JAK1: variants seen among roughly 807,000 people sequenced by gnomAD.
JAK1 encodes Janus kinase 1.
In JAK1, 16 loss-of-function variants were observed where a neutral mutation model predicts 136.6. The ratio of observed to expected loss-of-function variants is 0.12; its 90% confidence interval spans 0.08 to 0.18. JAK1 has a LOEUF of 0.18. Among genes scored for constraint, JAK1 ranks in the 10% least tolerant of loss-of-function variants. The probability of loss-of-function intolerance (pLI) is 1.00; values close to 1 mark genes in which losing one functional copy is unlikely to be tolerated. For missense variants in JAK1, 859 were observed against 1,450.1 expected, an observed-to-expected ratio of 0.59 and a Z score of 6.62; for synonymous variants, 492 against 519.5, an observed-to-expected ratio of 0.95 and a Z score of 0.72.
At chr1:64,906,043 C>G (rs1645185419) in intron 1 of JAK1, among the ~76,000 whole-genome samples, 1 of 152,206 alleles carries the variant, frequency 6.6e-6, no homozygotes, top group African/African-American at 2.4e-5. Flanking sequence ...CTCAAATATC[C>G]AACTACCTTG....
intron 22 of JAK1, among the ~76,000 whole-genome samples, chr1:64,837,145 A>G (rs1654535921): frequency 6.6e-6 from 1 of 152,162 alleles, no homozygotes; most frequent in South Asian, 2.1e-4. Context: ...ACCCTTCTGT[A>G]TGTTTCCTGC....
chr1:64,837,390 A>T (rs1654554409), intron 22 of JAK1, among the ~76,000 whole-genome samples: 1 of 152,154 alleles, frequency 6.6e-6, no homozygotes, highest in Admixed American at 6.5e-5. Context: ...GTAGAGATGT[A>T]AGCAGCCTCT....
chr1:65,001,887 A>G (rs1446802521), intron 2 of JAK1, among the ~76,000 whole-genome samples: 2 of 151,958 alleles, frequency 1.3e-5, no homozygotes, highest in Non-Finnish European at 2.9e-5. Context: ...TCTGTCAGAG[A>G]GGGTGTTGAC....
chr1:64,962,646 T>C (rs1023387900), intron 1 of JAK1, among the ~76,000 whole-genome samples: 1 of 152,224 alleles, frequency 6.6e-6, no homozygotes, highest in Non-Finnish European at 1.5e-5. Flanking sequence ...TGAAATCCCA[T>C]GTAACCAGAG....
chr1:64,908,323 A>C (rs1645225349), intron 1 of JAK1, among the ~76,000 whole-genome samples: 1 of 152,132 alleles, frequency 6.6e-6, no homozygotes, highest in African/African-American at 2.4e-5. Context: ...GCATCTATTC[A>C]GCTCTATCCT....
In JAK1 at chr1:64,984,976, C is replaced by T; in HGVS notation, c.-78+59504G>A. On this transcript the variant is annotated intron_variant, in intron 2 of 25. Transcript: ENST00000671954. The surrounding 1 kb of genome is among the most constrained non-coding windows in gnomAD (Gnocchi z 4.1). ...TCTGGCCCAATTTCAAAGAAGACCACAAAGACCAAGATAGCCCCAATACAG... is the reference window on the plus strand; with the variant it reads ...TCTGGCCCAATTTCAAAGAAGACCATAAAGACCAAGATAGCCCCAATACAG... 3 of 936,942 alleles carry T rather than the reference C, an allele frequency of 3.2e-6. No homozygotes were observed. The highest frequency in any genetic ancestry group is 2.2e-4 in the Middle Eastern group (1 of 4,644). 58.0% of individuals were successfully genotyped at this position (936,942 alleles called of 1,614,324 possible).
chr1:64,844,932 C>T lies in JAK1; in HGVS notation c.2116-43G>A, dbSNP rs774904102. The T allele has an allele frequency of 9.9e-6, 16 of 1,612,988 alleles. No homozygotes were observed. The Admixed American group carries it at 2.3e-4, about 24-fold the overall frequency. On this transcript the variant is annotated intron_variant, in intron 15 of 24. Transcript: ENST00000342505. The surrounding 1 kb of genome is among the most constrained non-coding windows in gnomAD (Gnocchi z 5.7). ...CAAGTTTAGCCAAGCTGCTCCTTCCCGCATTCTATTTCCAACCCTGGTCCC... is the reference window on the plus strand; with the variant it reads ...CAAGTTTAGCCAAGCTGCTCCTTCCTGCATTCTATTTCCAACCCTGGTCCC...
At chr1:65,040,977 C>T (rs1647126856) in intron 2 of JAK1, among the ~76,000 whole-genome samples, 2 of 152,086 alleles carry the variant, frequency 1.3e-5, no homozygotes, top group African/African-American at 4.8e-5. Context: ...AGATGTATAT[C>T]ATCGCTCCTG....
chr1:64,899,506 A>G (rs1304376762), intron 1 of JAK1, among the ~76,000 whole-genome samples: 1 of 152,192 alleles, frequency 6.6e-6, no homozygotes, highest in Non-Finnish European at 1.5e-5. Flanking sequence ...CCCTCCTCCC[A>G]GAGATAGTCA....
At chr1:65,053,183 G>A (rs1647368137) in intron 1 of JAK1, among the ~76,000 whole-genome samples, 1 of 142,532 alleles carries the variant, frequency 7.0e-6, no homozygotes, top group Non-Finnish European at 1.5e-5. Context: ...CCATCTCTAA[G>A]AAAAAATACA....
chr1:64,869,248 G>A (rs191497967), intron 6 of JAK1, 63 bp downstream of exon 6: 23 of 1,496,168 alleles, frequency 1.5e-5, no homozygotes, highest in African/African-American at 1.4e-4. Context: ...GCTGAAATGT[G>A]TAAGAACATG....
intron 2 of JAK1, chr1:64,992,772 C>T (rs1396554551): frequency 2.0e-5 from 3 of 151,962 alleles, no homozygotes; most frequent in Non-Finnish European, 4.4e-5. Context: ...GCCTGTAGTC[C>T]CAGCTACTCG....
At chr1:65,003,800 A>G (rs1214085624) in intron 2 of JAK1, 1 of 152,208 alleles carries the variant, frequency 6.6e-6, no homozygotes, top group East Asian at 1.9e-4. Context: ...CTGTCTACGC[A>G]TCTAAAGCAA....
Position 64,844,747 on chromosome 1 carries a change from G to A in JAK1, c.2251+7C>T, listed in dbSNP as rs1655120195. ...GTGGGGCCAGAGGGAAGAGAGGGGA[G>A]ACACACCTTGCCTAGACAGCACCGT... On this transcript the variant is annotated splice_region_variant and intron_variant, in intron 16 of 24. Coordinates refer to ENST00000342505, the MANE Select transcript of JAK1 (RefSeq NM_002227.4). The surrounding 1 kb of genome is among the most constrained non-coding windows in gnomAD (Gnocchi z 5.7). 6.2e-7 allele frequency: 1 copy of A among 1,613,988 alleles called. No individual in the cohort carries two copies. Among genetic ancestry groups the A allele is most frequent in the Non-Finnish European group, 8.5e-7 (1 of 1,179,952 alleles).
intron 1 of JAK1, among the ~76,000 whole-genome samples, chr1:64,963,897 C>A (rs981254636): frequency 1.3e-5 from 2 of 152,138 alleles, no homozygotes; most frequent in African/African-American, 2.4e-5. Flanking sequence ...AGTAGCATCC[C>A]TAGCCTCTAA....
At chr1:65,050,098 T>C (rs1212606137) in intron 1 of JAK1, among the ~76,000 whole-genome samples, 1 of 152,190 alleles carries the variant, frequency 6.6e-6, no homozygotes. Flanking sequence ...TGTTTTTAGC[T>C]GTGGGTTCTT....
chr1:64,867,244 G>A (rs752482641), intron 6 of JAK1, 36 bp from the exon 7 acceptor site: 7 of 1,432,428 alleles, frequency 4.9e-6, no homozygotes, highest in South Asian at 1.3e-5. Context: ...TCCTTTTCAT[G>A]TACAGGTTAG....
chr1:64,953,744 C>G (rs899240562), intron 1 of JAK1, among the ~76,000 whole-genome samples: 3 of 152,208 alleles, frequency 2.0e-5, no homozygotes, highest in African/African-American at 7.2e-5. Context: ...ACTGCAACCT[C>G]TGCCTCCCAG....
At chr1:64,870,918 GT>G (rs1003779144) in intron 5 of JAK1, among the ~76,000 whole-genome samples, 1 of 152,108 alleles carries the variant, frequency 6.6e-6, no homozygotes, top group Admixed American at 6.6e-5. Flanking sequence ...TTGGCCTGTG[GT>G]TTTTTTGTAA....
Sources: gnomAD v4.1 joint callset for allele counts (sites outside exome capture counted in the v4.1 genomes callset) on GRCh38, gnomAD v4.1.1 for gene constraint, Gnocchi (gnomAD v3.1) non-coding constraint, MANE v1.5 for transcripts, NCBI Gene and HGNC (gene_info 2026-07-23, HGNC 2026-07-21) for gene names.